ST7L: variants seen among roughly 807,000 people sequenced by gnomAD.
ST7L encodes suppressor of tumorigenicity 7 protein-like.
A neutral mutation model predicts 72.5 loss-of-function variants in ST7L; 57 were observed. The ratio of observed to expected loss-of-function variants is 0.79; its 90% CI spans 0.64 to 0.98. The LOEUF (loss-of-function observed/expected upper bound fraction) is 0.98. ST7L is among the 50% of genes least tolerant of loss of function. The probability of loss-of-function intolerance (pLI) is 0.00; values close to 1 mark genes in which losing one functional copy is unlikely to be tolerated. For synonymous variants in ST7L, 221 were observed against 240.9 expected (o/e 0.92, Z 0.77); for missense variants, 576 against 672.2 (o/e 0.86, Z 1.58).
intron 14 of ST7L, chr1:112,529,715 G>C (rs1008922889): frequency 9.1e-6 from 1 of 109,564 alleles, no homozygotes; most frequent in Non-Finnish European, 1.9e-5. Flanking sequence ...CAAAAAAACA[G>C]AAGGTTACTC....
At chr1:112,607,192 T>C (rs969462882) in intron 3 of ST7L, 16 of 151,876 alleles carry the variant, frequency 1.1e-4, no homozygotes, top group African/African-American at 3.6e-4. Flanking sequence ...GGAGAGAGTA[T>C]GTACTAGAAG....
chr1:112,526,035 T>TC lies in ST7L; in HGVS notation c.1705dup (p.Asp569GlyfsTer15), dbSNP rs1185718139. 2 of 1,614,122 alleles carry TC rather than the reference T, an allele frequency of 1.2e-6. No individual in the cohort carries two copies. The highest frequency in any genetic ancestry group is 1.7e-6 in the Non-Finnish European group (2 of 1,180,012). On this transcript the variant is annotated frameshift_variant, in exon 15 of 15. Coordinates refer to ENST00000358039, the MANE Select transcript of ST7L (RefSeq NM_017744.5). LOFTEE classifies it high-confidence loss of function. The stretch of plus-strand genomic sequence containing the variant: ...GGCTCAGCCAGAACTCAAACCTAGG[T>TC]CTTCTGACTTCAAATCCTGTGTATT...
intron 12 of ST7L, among the ~76,000 whole-genome samples, chr1:112,554,778 T>C (rs1450474923): frequency 6.6e-6 from 1 of 152,204 alleles, no homozygotes; most frequent in East Asian, 1.9e-4. Flanking sequence ...ATGTGATATA[T>C]ACATACAATG....
intron 11 of ST7L, among the ~76,000 whole-genome samples, chr1:112,566,294 C>CT (rs33915951): frequency 0.099 from 10,730 of 108,060 alleles, 1,211 homozygotes; most frequent in East Asian, 0.31. Context: ...TTTTCTTCTT[C>CT]TTCTTTTTTT....
At chr1:112,520,765 T>C (rs1276054392), downstream of ST7L, 2 of 540,070 alleles carry the variant, frequency 3.7e-6, no homozygotes, top group Admixed American at 3.2e-5. Context: ...GTAGAAGAGA[T>C]AGGGGGTCTT....
chr1:112,604,815 G>A (rs910129868), intron 3 of ST7L, among the ~76,000 whole-genome samples: 9 of 150,124 alleles, frequency 6.0e-5, no homozygotes, highest in African/African-American at 1.7e-4. Context: ...ACTGGGCGTG[G>A]TGGCTCATGC....
intron 13 of ST7L, among the ~76,000 whole-genome samples, chr1:112,548,276 T>G (rs1052123237): frequency 6.6e-6 from 1 of 152,088 alleles, no homozygotes; most frequent in Non-Finnish European, 1.5e-5. Flanking sequence ...GAGAATCACT[T>G]GAACCTGGGA....
At chr1:112,551,566 A>G (rs2101558952) in intron 12 of ST7L, among the ~76,000 whole-genome samples, 1 of 152,338 alleles carries the variant, frequency 6.6e-6, no homozygotes, top group East Asian at 1.9e-4. Context: ...ATTCATTTAC[A>G]TATTGGCTAA....
chr1:112,534,875 T>A (rs1250526747), intron 14 of ST7L, among the ~76,000 whole-genome samples: 1 of 152,216 alleles, frequency 6.6e-6, no homozygotes, highest in African/African-American at 2.4e-5. Context: ...CAGTAGCAGT[T>A]AGTGACATGA....
chr1:112,579,139 C>T (rs1237406664), intron 9 of ST7L, among the ~76,000 whole-genome samples: 4 of 152,022 alleles, frequency 2.6e-5, no homozygotes, highest in Non-Finnish European at 5.9e-5. Context: ...AATCCCAGCA[C>T]TTTGGGAGGC....
rs1553247624 is a variant in ST7L at position 112,568,889 on chromosome 1, A to ATATATATATATATAT, written c.1245+8096_1245+8097insATATATATATATATA. ...ATATATATATATATATATATATATA[A>ATATATATATATATAT]AACAAAAATTTAAAAATATGCAACT... On this transcript the variant is annotated intron_variant, in intron 11 of 14. Coordinates refer to ENST00000358039, the MANE Select transcript of ST7L (RefSeq NM_017744.5). Among the ~76,000 whole-genome samples the ATATATATATATATAT allele has an allele frequency of 2.3e-3, 265 of 115,470 alleles. 4 individuals carry two copies. The highest frequency in any genetic ancestry group is 4.8e-3 in the African/African-American group (145 of 30,038). 75.8% of individuals were successfully genotyped at this position (115,470 alleles called of 152,430 possible).
In ST7L at chr1:112,523,607, C is replaced by T. The variant is rs1465911404; in HGVS notation, c.*2406G>A. 6.6e-6 allele frequency: 1 copy of T among 152,166 alleles called. No individual in the cohort carries two copies. 9.4% of individuals were successfully genotyped at this position (152,166 alleles called of 1,614,324 possible). ...CTCTGCTTCTAATCACCCCTTCTCC[C>T]AGCCCTCTTCTATTTGATAGAGGTC... On this transcript the variant is annotated 3_prime_UTR_variant, in exon 15 of 15. Coordinates refer to ENST00000358039, the MANE Select transcript of ST7L (RefSeq NM_017744.5).
At chr1:112,577,321 G>C (rs1478909034) in intron 10 of ST7L, among the ~76,000 whole-genome samples, 1 of 151,340 alleles carries the variant, frequency 6.6e-6, no homozygotes, top group South Asian at 2.1e-4. Context: ...CTGAGCTCAG[G>C]AGTTAGAGAC....
At chr1:112,591,639 T>TA in intron 5 of ST7L, 36 bp from the exon 6 acceptor site, 1 of 1,536,132 alleles carries the variant, frequency 6.5e-7, no homozygotes, top group South Asian at 1.2e-5. Flanking sequence ...GATGAGATGG[T>TA]AAAAAAATAA....
rs145330132 is a variant in ST7L, at chr1:112,572,416, A to G, written c.1245+4570T>C. ...AAAGTCTTAGTTGGCATCTTCTTCCAATAGAAGGCTGTTTCATCTACTTTG... is the reference window on the plus strand; with the variant it reads ...AAAGTCTTAGTTGGCATCTTCTTCCGATAGAAGGCTGTTTCATCTACTTTG... On this transcript the variant is annotated intron_variant, in intron 11 of 14. Transcript: ENST00000358039. Among the ~76,000 whole-genome samples the G allele has an allele frequency of 1.3e-3, 196 of 152,362 alleles. 2 individuals carry two copies. The highest frequency in any genetic ancestry group is 4.5e-3 in the African/African-American group (187 of 41,580).
At chr1:112,520,440 A>G (rs781324420), downstream of ST7L, 1 of 1,614,212 alleles carries the variant, frequency 6.2e-7, no homozygotes, top group South Asian at 1.1e-5. Context: ...GGTGCAAGGA[A>G]TGCAGAAATA....
At chr1:112,573,054 A>T (rs181804828) in intron 11 of ST7L, among the ~76,000 whole-genome samples, 93 of 152,214 alleles carry the variant, frequency 6.1e-4, no homozygotes, top group Non-Finnish European at 1.1e-3. Context: ...CAAGGTTAGG[A>T]ATTAAAAAGT....
chr1:112,580,881 T>C lies in ST7L; in HGVS notation c.1069+1111A>G, dbSNP rs556135453. Among the ~76,000 whole-genome samples, 18 of 152,276 alleles carry C rather than the reference T, an allele frequency of 1.2e-4. No individual in the cohort carries two copies. In the South Asian group the frequency reaches 1.2e-3, roughly 11 times the overall value. On this transcript the variant is annotated intron_variant, in intron 9 of 14. Coordinates refer to ENST00000358039, the MANE Select transcript of ST7L (RefSeq NM_017744.5). ...AAGCGGAGCTTGCAGTGAGCCGAGA[T>C]TGCACCACTGCACTCCCGCCCAGGC... is the stretch of plus-strand genomic sequence containing the variant.
rs1250081242 is a variant in ST7L, at chr1:112,542,293, CTGGGT to C, written c.1490-208_1490-204del. Among the ~76,000 whole-genome samples the C allele has an allele frequency of 2.6e-5, 4 of 152,210 alleles. No homozygotes were observed. The East Asian group carries it at 5.8e-4, about 22-fold the overall frequency. ...ATATCTAAATAGCCAGACAACTGTG[CTGGGT>C]GTGGGAACAGGATGGCGTCATGGGA... On this transcript the variant is annotated intron_variant, in intron 13 of 14. Coordinates refer to ENST00000358039, the MANE Select transcript of ST7L (RefSeq NM_017744.5).
Sources: allele counts gnomAD v4.1 joint callset (sites outside exome capture counted in the v4.1 genomes callset), GRCh38; gene constraint gnomAD v4.1.1; transcripts MANE v1.5; gene names NCBI Gene and HGNC (gene_info 2026-07-23, HGNC 2026-07-21).